Variants in MTAP observed in about 807,000 individuals in gnomAD.
MTAP encodes the protein methylthioadenosine phosphorylase.
MTAP carries 33 observed loss-of-function variants against 33.6 expected under a neutral mutation model. That is an observed-to-expected ratio of 0.98 (90% confidence interval 0.74 to 1.31). The LOEUF (loss-of-function observed/expected upper bound fraction) is 1.31, where lower values mean the gene tolerates loss of function less well. Among genes scored for constraint, MTAP ranks in the 40% most tolerant of loss-of-function variants. The pLI is 0.00. For missense variants in MTAP, 367 were observed against 360.0 expected (o/e 1.02, Z -0.16); for synonymous variants, 148 against 125.7 (o/e 1.18, Z -1.19).
At chr9:21,870,404 C>G (rs1482432036), downstream of MTAP, among the ~76,000 whole-genome samples, 1 of 152,156 alleles carries the variant, frequency 6.6e-6, no homozygotes, top group Non-Finnish European at 1.5e-5. Context: ...CAGACTAGTG[C>G]TTGGGATTTA....
At chr9:21,915,849 G>A (rs1307212642) in intron 1 of MTAP, among the ~76,000 whole-genome samples, 1 of 151,962 alleles carries the variant, frequency 6.6e-6, no homozygotes, top group Non-Finnish European at 1.5e-5. Flanking sequence ...GGGCAACATA[G>A]ACAAACCCTC....
Position 21,862,083 on chromosome 9 carries a change from T to C in MTAP, c.*69T>C. 2 of 1,606,704 alleles carry C rather than the reference T, an allele frequency of 1.2e-6. No homozygotes were observed. Among genetic ancestry groups the C allele is most frequent in the Non-Finnish European group, 1.7e-6 (2 of 1,177,706 alleles). ...GTCATTTTGGGAATTCCTGCTTAAC[T>C]TGAAAAAAATATGGGAAAGACATGC... is the stretch of plus-strand genomic sequence containing the variant. On this transcript the variant is annotated 3_prime_UTR_variant, in exon 8 of 8. Coordinates refer to ENST00000644715, the MANE Select transcript of MTAP (RefSeq NM_002451.4).
intron 3 of MTAP, 88 bp downstream of exon 3, chr9:21,816,860 G>C (rs1824488575): frequency 9.0e-7 from 1 of 1,109,288 alleles, no homozygotes; most frequent in Non-Finnish European, 1.3e-6. Flanking sequence ...ATACAGGTCT[G>C]AGCTTTTATA....
At chr9:21,802,993 C>T in intron 1 of MTAP, 1 of 618,330 alleles carries the variant, frequency 1.6e-6, no homozygotes, top group Non-Finnish European at 2.2e-6. Flanking sequence ...CCAACACACA[C>T]ACACACACAC....
At chr9:21,838,631 T>C (rs118015957) in intron 5 of MTAP, among the ~76,000 whole-genome samples, 2,276 of 152,366 alleles carry the variant, frequency 0.015, 33 homozygotes, top group Non-Finnish European at 0.021. Flanking sequence ...CCCAGCCTTC[T>C]GTCTACCATT....
chr9:21,838,737 G>T (rs1328786642), intron 5 of MTAP, among the ~76,000 whole-genome samples: 2 of 152,198 alleles, frequency 1.3e-5, no homozygotes, highest in Admixed American at 1.3e-4. Context: ...AACAAAAATG[G>T]CTACCATGAC....
intron 1 of MTAP, among the ~76,000 whole-genome samples, chr9:21,889,284 C>G (rs757549961): frequency 6.6e-6 from 1 of 152,068 alleles, no homozygotes. Context: ...ATTGTTTCAT[C>G]CATATCCTAT....
intron 6 of MTAP, among the ~76,000 whole-genome samples, chr9:21,857,771 A>T (rs1474304984): frequency 6.6e-6 from 1 of 152,208 alleles, no homozygotes; most frequent in African/African-American, 2.4e-5. Flanking sequence ...ATAATTCTTT[A>T]ATATACCCAG....
chr9:21,913,113 C>G (rs1411540167), intron 1 of MTAP, among the ~76,000 whole-genome samples: 1 of 152,128 alleles, frequency 6.6e-6, no homozygotes, highest in Non-Finnish European at 1.5e-5. Context: ...CAAACCACTG[C>G]TCAACGAAAT....
At chr9:21,931,537 T>C (rs1818958831), downstream of MTAP, 2 of 197,034 alleles carry the variant, frequency 1.0e-5, no homozygotes, top group Admixed American at 1.2e-4. Flanking sequence ...TCTCAGGATT[T>C]GGGCAAGCAG....
rs150524468 is a variant in MTAP, at chr9:21,844,955, C to T, written c.450+6945C>T. Among the ~76,000 whole-genome samples the T allele has an allele frequency of 8.8e-3, 1,314 of 149,766 alleles. 18 individuals carry two copies. Among genetic ancestry groups the T allele is most frequent in the African/African-American group, 0.031 (1,238 of 40,496 alleles). On this transcript the variant is annotated intron_variant, in intron 5 of 7. Transcript: ENST00000644715. ...GCCGAGGCAGTGAATGGCGTGAACC[C>T]GGGAGGTGGAGCTTGCAGTGAGCTG...
intron 5 of MTAP, among the ~76,000 whole-genome samples, chr9:21,841,014 G>A (rs1825229888): frequency 6.6e-6 from 1 of 152,110 alleles, no homozygotes; most frequent in Non-Finnish European, 1.5e-5. Flanking sequence ...AGCAGAGGCA[G>A]TCAAGATCTC....
intron 5 of MTAP, among the ~76,000 whole-genome samples, chr9:21,840,319 G>C (rs1249108302): frequency 2.0e-5 from 3 of 151,948 alleles, no homozygotes; most frequent in African/African-American, 4.8e-5. Context: ...TTTGTTCCAA[G>C]AACCACTGTA....
At chr9:21,845,033 A>AAC (rs1825344718) in intron 5 of MTAP, among the ~76,000 whole-genome samples, 1 of 151,270 alleles carries the variant, frequency 6.6e-6, no homozygotes, top group Non-Finnish European at 1.5e-5. Flanking sequence ...TCCGTCTCAA[A>AAC]AAAAAAAAAA....
chr9:21,834,788 C>G (rs967837823), intron 4 of MTAP, among the ~76,000 whole-genome samples: 2 of 152,190 alleles, frequency 1.3e-5, no homozygotes, highest in African/African-American at 4.8e-5. Flanking sequence ...CCTTTGCCAT[C>G]TAAAGTAATA....
intron 1 of MTAP, among the ~76,000 whole-genome samples, chr9:21,873,473 TATAA>T (rs1825962925): frequency 6.6e-6 from 1 of 152,144 alleles, no homozygotes; most frequent in African/African-American, 2.4e-5. Context: ...TTAGTTTCTC[TATAA>T]ATAAGGCCCG....
chr9:21,914,646 G>T (rs575199115), intron 1 of MTAP, among the ~76,000 whole-genome samples: 15 of 133,696 alleles, frequency 1.1e-4, no homozygotes, highest in African/African-American at 3.3e-4. Flanking sequence ...TGGGGGTGGG[G>T]GGAGGGTTAG....
intron 1 of MTAP, among the ~76,000 whole-genome samples, chr9:21,889,841 T>G (rs192999576): frequency 6.6e-6 from 1 of 152,292 alleles, no homozygotes; most frequent in Non-Finnish European, 1.5e-5. Flanking sequence ...GTTGTATGTT[T>G]GTTTAGTGCA....
At chr9:21,906,451 G>A (rs923673591) in intron 1 of MTAP, among the ~76,000 whole-genome samples, 3 of 152,100 alleles carry the variant, frequency 2.0e-5, no homozygotes, top group South Asian at 2.1e-4. Flanking sequence ...CAGAATGCAC[G>A]AGAGGAGAGA....
Sources: allele counts gnomAD v4.1 joint callset (sites outside exome capture counted in the v4.1 genomes callset), GRCh38; gene constraint gnomAD v4.1.1; transcripts MANE v1.5; gene names NCBI Gene and HGNC (gene_info 2026-07-23, HGNC 2026-07-21).